Variants in DHRS4L2 observed in about 807,000 individuals in gnomAD.
The protein encoded by DHRS4L2 is dehydrogenase/reductase SDR family member 4-like 2.
In DHRS4L2, 22 loss-of-function variants were observed where a neutral mutation model predicts 23.9. The ratio of observed to expected loss-of-function variants is 0.92; its 90% CI spans 0.66 to 1.31. DHRS4L2 has a LOEUF of 1.31. Among genes scored for constraint, DHRS4L2 ranks in the 40% most tolerant of loss-of-function variants. DHRS4L2 has a pLI of 0.00. For missense variants in DHRS4L2, 385 were observed against 303.3 expected (o/e 1.27, Z -2.00); for synonymous variants, 141 against 123.7 (o/e 1.14, Z -0.93).
chr14:23,993,957 A>T (rs2034324010), intron 2 of DHRS4L2, among the ~76,000 whole-genome samples: 1 of 151,498 alleles, frequency 6.6e-6, no homozygotes, highest in South Asian at 2.1e-4. Context: ...CCCTGAAAAA[A>T]TCACTTCACC....
At chr14:23,978,179 C>G (rs1317925854) in intron 1 of DHRS4L2, among the ~76,000 whole-genome samples, 2 of 151,284 alleles carry the variant, frequency 1.3e-5, no homozygotes, top group African/African-American at 2.4e-5. Context: ...GCCCAGCGTA[C>G]AAATGTATTT....
Position 24,005,879 on chromosome 14 carries a change from T to G in DHRS4L2, c.*23-7T>G, listed in dbSNP as rs2034566851. ...TTACCTCCTTCCTTGCTTCCCTTAT[T>G]CCCCAGGTTAGGCGAGCCAGAGGAT... On this transcript the variant is annotated splice_polypyrimidine_tract_variant and splice_region_variant and intron_variant, in intron 7 of 7. Transcript: ENST00000335125. 6.2e-7 allele frequency: 1 copy of G among 1,609,836 alleles called. No homozygotes were observed. Among genetic ancestry groups the G allele is most frequent in the Non-Finnish European group, 8.5e-7 (1 of 1,178,316 alleles).
chr14:23,985,774 G>T (rs1311544159), upstream of DHRS4L2, among the ~76,000 whole-genome samples: 1 of 151,418 alleles, frequency 6.6e-6, no homozygotes, highest in Non-Finnish European at 1.5e-5. Flanking sequence ...GAGTGCAGTG[G>T]CATGATCTCA....
intron 1 of DHRS4L2, among the ~76,000 whole-genome samples, chr14:23,976,421 C>T (rs1202448174): frequency 6.6e-6 from 1 of 151,734 alleles, no homozygotes; most frequent in Non-Finnish European, 1.5e-5. Flanking sequence ...TCTCACAACA[C>T]TTAGAATGGC....
intron 1 of DHRS4L2, among the ~76,000 whole-genome samples, chr14:23,973,505 A>C (rs967024210): frequency 1.3e-5 from 2 of 151,930 alleles, no homozygotes; most frequent in Non-Finnish European, 2.9e-5. Flanking sequence ...AGGTGCCAAG[A>C]GTGAGCGAGG....
intron 1 of DHRS4L2, among the ~76,000 whole-genome samples, chr14:23,974,525 G>C (rs2033929488): frequency 6.6e-6 from 1 of 151,458 alleles, no homozygotes; most frequent in African/African-American, 2.4e-5. Flanking sequence ...GAAGAAAAGA[G>C]AGAAGAGTCA....
At chr14:23,981,401 G>A (rs910620215) in intron 1 of DHRS4L2, among the ~76,000 whole-genome samples, 4 of 151,570 alleles carry the variant, frequency 2.6e-5, no homozygotes, top group Non-Finnish European at 5.9e-5. Flanking sequence ...TAGATTCAGT[G>A]CTATCCCCAT....
chr14:23,985,971 G>A (rs1251800821), upstream of DHRS4L2, among the ~76,000 whole-genome samples: 1 of 151,510 alleles, frequency 6.6e-6, no homozygotes, highest in African/African-American at 2.4e-5. Flanking sequence ...AGTAAAGACA[G>A]GATTTCACCA....
At chr14:23,996,576 AGATTTGCTGCT>A (rs1229936834) in intron 3 of DHRS4L2, among the ~76,000 whole-genome samples, 3 of 150,286 alleles carry the variant, frequency 2.0e-5, no homozygotes, top group Non-Finnish European at 4.4e-5. Context: ...AACTACCCAG[AGATTTGCTGCT>A]AACCATTTAA....
chr14:23,990,997 A>G, intron 2 of DHRS4L2: 1 of 623,804 alleles, frequency 1.6e-6, no homozygotes, highest in Non-Finnish European at 2.0e-6. Context: ...TCAATGTCAT[A>G]ATTAGTAGTG....
rs772286019 is a variant in DHRS4L2, at chr14:23,995,002, C to T, written c.307-30C>T. 6 of 1,611,018 alleles carry T rather than the reference C, an allele frequency of 3.7e-6. No individual in the cohort carries two copies. The African/African-American group carries it at 8.0e-5, about 22-fold the overall frequency. The stretch of plus-strand genomic sequence containing the variant: ...AATGCACCTCCCTTACTTACTGCAG[C>T]CCTGGTCCAGACCTTACCCCTCTCT... On this transcript the variant is annotated intron_variant, in intron 2 of 7. Transcript: ENST00000335125.
At position 23,994,577 on chromosome 14, in the gene DHRS4L2, A is replaced by G. The variant is rs138715497; in HGVS notation, c.307-455A>G. Among the ~76,000 whole-genome samples, 1,469 of 151,474 alleles carry G rather than the reference A, an allele frequency of 9.7e-3. 44 individuals are homozygous for G. The highest frequency in any genetic ancestry group is 0.031 in the African/African-American group (1,287 of 41,308). ...GTGGCACGCACTTCTACTCTCAACTACTTGGGGGGCTGAGCCAAGAGGATG... is the reference window on the plus strand; with the variant it reads ...GTGGCACGCACTTCTACTCTCAACTGCTTGGGGGGCTGAGCCAAGAGGATG... On this transcript the variant is annotated intron_variant, in intron 2 of 7. Coordinates refer to ENST00000335125, the MANE Select transcript of DHRS4L2 (RefSeq NM_198083.4).
At chr14:23,975,023 C>A (rs140133990) in intron 1 of DHRS4L2, among the ~76,000 whole-genome samples, 28 of 151,830 alleles carry the variant, frequency 1.8e-4, no homozygotes, top group East Asian at 1.5e-3. Flanking sequence ...CAAACCGAAT[C>A]CAGCATAAGG....
chr14:24,005,478 C>G (rs530797127), intron 7 of DHRS4L2, among the ~76,000 whole-genome samples: 5 of 152,136 alleles, frequency 3.3e-5, no homozygotes, highest in African/African-American at 1.2e-4. Context: ...TAAGCTGAAC[C>G]TGTACAAATG....
intron 7 of DHRS4L2, 149 bp from the exon 8 acceptor site, chr14:24,005,737 A>G: frequency 8.1e-7 from 1 of 1,229,010 alleles, no homozygotes; most frequent in Middle Eastern, 1.9e-4. Context: ...CCTCGTGGTA[A>G]CCCTATTTGA....
At chr14:24,002,017 C>T (rs2034501272) in intron 6 of DHRS4L2, among the ~76,000 whole-genome samples, 1 of 62,676 alleles carries the variant, frequency 1.6e-5, no homozygotes. Context: ...TTTTAGGGTA[C>T]ATGTGCACAT....
chr14:23,998,102 A>G (rs1728037833), intron 3 of DHRS4L2, among the ~76,000 whole-genome samples: 1 of 151,996 alleles, frequency 6.6e-6, no homozygotes, highest in Non-Finnish European at 1.5e-5. Flanking sequence ...TTGAGTGACC[A>G]GGTGCATTGT....
At chr14:23,981,859 G>A (rs1241615773) in intron 1 of DHRS4L2, among the ~76,000 whole-genome samples, 1 of 151,746 alleles carries the variant, frequency 6.6e-6, no homozygotes, top group Non-Finnish European at 1.5e-5. Context: ...CATCTCAGTG[G>A]AGTAAAGAAT....
upstream of DHRS4L2, chr14:23,988,821 C>G: frequency 1.4e-6 from 2 of 1,420,316 alleles, no homozygotes; most frequent in Non-Finnish European, 1.8e-6. Flanking sequence ...CCGCCACAGA[C>G]GACTCCCAGC....
Sources: allele counts gnomAD v4.1 joint callset (sites outside exome capture counted in the v4.1 genomes callset), GRCh38; gene constraint gnomAD v4.1.1; transcripts MANE v1.5; gene names NCBI Gene and HGNC (gene_info 2026-07-23, HGNC 2026-07-21).